IARS2: variants seen among roughly 807,000 people sequenced by gnomAD.
IARS2 encodes isoleucine--tRNA ligase, mitochondrial.
Under a neutral mutation model 126.3 loss-of-function variants are expected in IARS2, and 56 were observed. That is an observed-to-expected ratio of 0.44 (90% CI 0.36 to 0.55). IARS2 has a LOEUF of 0.55. Ranked by LOEUF, IARS2 falls within the 20% of genes least tolerant of loss-of-function variation. IARS2 has a pLI of 0.00. For missense variants in IARS2, 1,127 were observed against 1,245.9 expected (o/e 0.90, Z 1.44); for synonymous variants, 407 against 441.1 (o/e 0.92, Z 0.97).
In IARS2 at chr1:220,107,010, C is replaced by G. The variant is rs139295157; in HGVS notation, c.1237-51C>G. The G allele has an allele frequency of 5.3e-5, 61 of 1,153,994 alleles. 1 individual carries two copies. The African/African-American group carries it at 8.8e-4, about 17-fold the overall frequency. 71.5% of individuals were successfully genotyped at this position (1,153,994 alleles called of 1,614,324 possible). A position where few individuals can be genotyped will look rare whatever the true frequency, so the allele number is the denominator to read the frequency against. ...TATATATTGTTTTGCCAGATATTGT[C>G]ATAAGAGAAAATGTCTTGATATTTT... On this transcript the variant is annotated intron_variant, in intron 9 of 22. Transcript: ENST00000366922.
chr1:220,147,430 A>G, intron 22 of IARS2, 63 bp from the exon 23 acceptor site: 2 of 1,540,542 alleles, frequency 1.3e-6, no homozygotes, highest in South Asian at 1.1e-5. Flanking sequence ...TGCTAAACCA[A>G]TTAAGAAACA....
Position 220,126,735 on chromosome 1 carries a change from G to A in IARS2, c.1744-15G>A. The A allele has an allele frequency of 1.3e-6, 2 of 1,592,918 alleles. No homozygotes were observed. Among genetic ancestry groups the A allele is most frequent in the Non-Finnish European group, 1.7e-6 (2 of 1,162,246 alleles). ...ATCTTTGTGTACCTGACATGCTTTTGCATTATCTTACTAGGTTGGTGGCCC... is the reference window on the plus strand; with the variant it reads ...ATCTTTGTGTACCTGACATGCTTTTACATTATCTTACTAGGTTGGTGGCCC... On this transcript the variant is annotated splice_polypyrimidine_tract_variant and intron_variant, in intron 13 of 22. Transcript: ENST00000366922.
chr1:220,121,109 C>G (rs1318076223), intron 12 of IARS2, among the ~76,000 whole-genome samples: 1 of 152,084 alleles, frequency 6.6e-6, no homozygotes, highest in Non-Finnish European at 1.5e-5. Context: ...GGAAAAAAAT[C>G]TGAAGTATGT....
At chr1:220,110,724 C>A (rs187078469) in intron 10 of IARS2, 62 bp from the exon 11 acceptor site, 9 of 1,298,500 alleles carry the variant, frequency 6.9e-6, no homozygotes, top group African/African-American at 4.5e-5. Context: ...AAGTTTAGAG[C>A]ATTTTTAGGA....
intron 15 of IARS2, among the ~76,000 whole-genome samples, 190 bp from the exon 16 acceptor site, chr1:220,136,619 A>G (rs1043806420): frequency 1.5e-5 from 2 of 131,916 alleles, no homozygotes; most frequent in Admixed American, 1.8e-4. Flanking sequence ...GGGCAACAAG[A>G]GTGAGACTCC....
rs1656699258 is a variant in IARS2, at chr1:220,107,170, G to T, written c.1327+19G>T. ...GATGTGGGTGAGCATCATATCTGTT[G>T]ATATCATACATGTTTTCTGAAAAGT... is the stretch of plus-strand genomic sequence containing the variant. On this transcript the variant is annotated intron_variant, in intron 10 of 22. Transcript: ENST00000366922. The T allele has an allele frequency of 1.3e-6, 2 of 1,534,012 alleles. No individual in the cohort carries two copies. Among genetic ancestry groups the T allele is most frequent in the South Asian group, 1.1e-5 (1 of 89,266 alleles).
chr1:220,138,141 A>G lies in IARS2; in HGVS notation c.2175+98A>G, dbSNP rs552614229. ...TTTGTTTGGAACTGAAAAAAACTGAATGAAAACGAGTTCTTCATTTATTGT... is the reference window on the plus strand; with the variant it reads ...TTTGTTTGGAACTGAAAAAAACTGAGTGAAAACGAGTTCTTCATTTATTGT... On this transcript the variant is annotated intron_variant, in intron 17 of 22. Coordinates refer to ENST00000366922, the MANE Select transcript of IARS2 (RefSeq NM_018060.4). 71 of 1,320,780 alleles carry G rather than the reference A, an allele frequency of 5.4e-5. 1 individual carries two copies. In the South Asian group the frequency reaches 8.7e-4, roughly 16 times the overall value. The allele number at this position is 1,320,780 out of a possible 1,614,324, so 81.8% of individuals were successfully genotyped here.
At chr1:220,098,441 A>C (rs535281315) in intron 2 of IARS2, among the ~76,000 whole-genome samples, 35 of 152,052 alleles carry the variant, frequency 2.3e-4, no homozygotes, top group Non-Finnish European at 4.4e-4. Context: ...TCCCTCTAAA[A>C]TGGTACCACC....
Position 220,147,529 on chromosome 1 carries a change from T to C in IARS2, c.2933T>C (p.Ile978Thr). Residue 978 changes from isoleucine (I) to threonine (T), a missense_variant, in exon 23 of 23, where the codon ATT (isoleucine) becomes ACT (threonine). Physicochemically the swap from Ile to Thr is moderately conservative, Grantham distance 89 (BLOSUM62 -1). Transcript: ENST00000366922. Reference protein sequence around the residue: ...DIREESSYKVIVMPTTKEKCP... With the variant: ...DIREESSYKVTVMPTTKEKCP... ...CGTGAAGAGTCTTCCTATAAAGTAA[T>C]TGTCATGCCGACTACGAAAGAAAAA... The C allele has an allele frequency of 2.5e-6, 4 of 1,614,176 alleles. No homozygotes were observed. Among genetic ancestry groups the C allele is most frequent in the Non-Finnish European group, 3.4e-6 (4 of 1,180,004 alleles).
chr1:220,132,302 T>C (rs143760461), intron 14 of IARS2, among the ~76,000 whole-genome samples: 2 of 152,298 alleles, frequency 1.3e-5, no homozygotes, highest in African/African-American at 4.8e-5. Context: ...TAAAGCCATC[T>C]GGTCCTAGAC....
In IARS2 at chr1:220,105,902, G is replaced by C. The variant is rs768889727; in HGVS notation, c.1078G>C (p.Glu360Gln). The C allele has an allele frequency of 8.1e-6, 13 of 1,613,744 alleles. No individual in the cohort carries two copies. The highest frequency in any genetic ancestry group is 7.7e-5 in the South Asian group (7 of 91,070). ...TTCTTTCCCCACAGGTGTAGATTTG[G>C]AAAATGGTACTTGCAGTCATCCATT... ...TISTLSGVDL[E>Q]NGTCSHPLIP... Residue 360 changes from glutamate to glutamine, a missense_variant, in exon 9 of 23, where the codon GAA becomes CAA. Transcript: ENST00000366922.
rs1405623483 is a variant in IARS2, at chr1:220,094,448, C to T, written c.232C>T (p.Arg78Cys). ...GAGCTTCCCCATGAAGCTGCTGGGC[C>T]GCCAGCAGCCGGACACGGAGCTGGA... ...QTSFPMKLLG[R>C]QQPDTELEIQ... is the part of the protein sequence containing the mutation. The change falls in exon 1 of 23, where the codon CGC (arginine) becomes TGC (cysteine). Residue 78 changes from arginine to cysteine, a missense_variant. Transcript: ENST00000366922. 1 of 1,610,558 alleles carries T rather than the reference C, an allele frequency of 6.2e-7. No homozygotes were observed. Among genetic ancestry groups the T allele is most frequent in the Admixed American group, 1.7e-5 (1 of 59,806 alleles).
rs1553272367 is a variant in IARS2 at position 220,147,853 on chromosome 1, G to GT, written c.*219dup. Reference sequence around the variant, plus strand: ...CATGCAGAAATATATATGTGTGTGTGTATCTGTGGATGGATATATGTATAT... The same window carrying GT: ...CATGCAGAAATATATATGTGTGTGTGTTATCTGTGGATGGATATATGTATAT... On this transcript the variant is annotated 3_prime_UTR_variant, in exon 23 of 23. Coordinates refer to ENST00000366922, the MANE Select transcript of IARS2 (RefSeq NM_018060.4). The GT allele has an allele frequency of 3.8e-6, 2 of 532,926 alleles. No homozygotes were observed. Among genetic ancestry groups the GT allele is most frequent in the Non-Finnish European group, 6.6e-6 (2 of 301,658 alleles). 33.0% of individuals were successfully genotyped at this position (532,926 alleles called of 1,614,324 possible). A position where few individuals can be genotyped will look rare whatever the true frequency, so the allele number is the denominator to read the frequency against.
chr1:220,105,459 A>G (rs1656659602), intron 8 of IARS2, among the ~76,000 whole-genome samples: 1 of 152,196 alleles, frequency 6.6e-6, no homozygotes, highest in South Asian at 2.1e-4. Context: ...TATCCCTGTC[A>G]AAATAAGCTG....
rs548781822 is a variant in IARS2, at chr1:220,105,098, A to G, written c.1067-793A>G. 4.6e-5 allele frequency among the ~76,000 whole-genome samples: 7 copies of G among 152,154 alleles called. No homozygotes were observed. The South Asian group carries it at 1.5e-3, about 32-fold the overall frequency. On this transcript the variant is annotated intron_variant, in intron 8 of 22. Coordinates refer to ENST00000366922, the MANE Select transcript of IARS2 (RefSeq NM_018060.4). ...TCTTTGGTGCAATAGGGTAATAAAA[A>G]TAAAAACCAAGATAATAATTTACTT...
intron 10 of IARS2, among the ~76,000 whole-genome samples, chr1:220,110,372 CTT>C (rs1249125410): frequency 1.3e-5 from 2 of 151,256 alleles, no homozygotes; most frequent in Non-Finnish European, 3.0e-5. Context: ...GTTGACTACT[CTT>C]TTATTTTTTG....
At chr1:220,096,835 A>T (rs1656453989) in intron 2 of IARS2, among the ~76,000 whole-genome samples, 1 of 152,128 alleles carries the variant, frequency 6.6e-6, no homozygotes, top group African/African-American at 2.4e-5. Flanking sequence ...TCACGAGGTC[A>T]GGAGATCGAG....
intron 2 of IARS2, among the ~76,000 whole-genome samples, chr1:220,099,451 A>G (rs1207723393): frequency 2.6e-5 from 4 of 152,226 alleles, no homozygotes; most frequent in African/African-American, 9.6e-5. Context: ...TATATATTTT[A>G]TAATTTACAT....
chr1:220,112,167 G>A (rs1396017893), intron 11 of IARS2, among the ~76,000 whole-genome samples: 1 of 108,462 alleles, frequency 9.2e-6, no homozygotes, highest in Non-Finnish European at 1.8e-5. Context: ...TCGCTCTGTC[G>A]CCCAGGTCGG....
Sources: allele counts gnomAD v4.1 joint callset (sites outside exome capture counted in the v4.1 genomes callset), GRCh38; gene constraint gnomAD v4.1.1; transcripts MANE v1.5; gene names NCBI Gene and HGNC (gene_info 2026-07-23, HGNC 2026-07-21).